The following LACTB2 variants were observed in gnomAD, a reference collection of about 807,000 sequenced individuals.
LACTB2 encodes the protein lactamase beta 2.
In LACTB2, 32 loss-of-function variants were observed where a neutral mutation model predicts 34.8. The observed-to-expected ratio is 0.92, with a 90% confidence interval of 0.69 to 1.24. LACTB2 has a LOEUF of 1.24. Among genes scored for constraint, LACTB2 ranks in the 50% most tolerant of loss-of-function variants. LACTB2 has a pLI of 0.00. For missense variants in LACTB2, 320 were observed against 345.0 expected (o/e 0.93, Z 0.57); for synonymous variants, 120 against 117.5 (o/e 1.02, Z -0.14).
In LACTB2 at chr8:70,644,135, A is replaced by C. The variant is rs1387929613; in HGVS notation, c.522T>G (p.Phe174Leu). 1 of 1,612,712 alleles carries C rather than the reference A, an allele frequency of 6.2e-7. No homozygotes were observed. Among genetic ancestry groups the C allele is most frequent in the Non-Finnish European group, 8.5e-7 (1 of 1,179,218 alleles). The change falls in exon 4 of 7, where the codon TTT becomes TTG. Residue 174 changes from phenylalanine (F) to leucine (L), a missense_variant. Physicochemically the swap from Phe to Leu is conservative, Grantham distance 22. Transcript: ENST00000276590. ...AGTTCATATAATCATAGAGGTCTTC[A>C]AATACCGTTGTTCCTTCCCCTAGGA... is the stretch of plus-strand genomic sequence containing the variant. Reference protein sequence around the residue: ...DCILGEGTTVFEDLYDYMNSL... With the variant: ...DCILGEGTTVLEDLYDYMNSL...
At chr8:70,646,551 A>T (rs1301023293) in intron 3 of LACTB2, 10 of 151,938 alleles carry the variant, frequency 6.6e-5, no homozygotes, top group Admixed American at 2.0e-4. Context: ...CGTTTTTTAT[A>T]AATTCTACCC....
In LACTB2 at chr8:70,650,506, C is replaced by T. The variant is rs56086453; in HGVS notation, c.414-6263G>A. ...CTGTAATCCCAGCACTTTGGGAGGCCGAGGCCTGAGGTCAGGAGTTCGAGA... is the reference window on the plus strand; with the variant it reads ...CTGTAATCCCAGCACTTTGGGAGGCTGAGGCCTGAGGTCAGGAGTTCGAGA... On this transcript the variant is annotated intron_variant, in intron 3 of 6. Transcript: ENST00000276590. 5.4e-3 allele frequency among the ~76,000 whole-genome samples: 823 copies of T among 152,014 alleles called. 11 individuals carry two copies. The highest frequency in any genetic ancestry group is 0.019 in the African/African-American group (788 of 41,522).
intron 3 of LACTB2, among the ~76,000 whole-genome samples, chr8:70,655,356 A>T (rs974554272): frequency 6.6e-6 from 1 of 151,652 alleles, no homozygotes; most frequent in South Asian, 2.1e-4. Context: ...AGTAGCTGGG[A>T]TTACAGGCAT....
At chr8:70,648,622 A>G (rs1818296614) in intron 3 of LACTB2, among the ~76,000 whole-genome samples, 1 of 152,182 alleles carries the variant, frequency 6.6e-6, no homozygotes, top group Non-Finnish European at 1.5e-5. Context: ...ACAAAATAAT[A>G]GGAATTTTAG....
At chr8:70,640,088 G>A (rs1818176990) in intron 5 of LACTB2, among the ~76,000 whole-genome samples, 1 of 152,140 alleles carries the variant, frequency 6.6e-6, no homozygotes, top group Non-Finnish European at 1.5e-5. Context: ...AACCACCCGA[G>A]CAGCTGGGAT....
At position 70,661,780 on chromosome 8, in the gene LACTB2, T is replaced by C; in HGVS notation, c.240A>G (p.Arg80=). 6.2e-7 allele frequency: 1 copy of C among 1,613,792 alleles called. No homozygotes were observed. ...IQEIVVTHWH[R]DHSGGIGDIC... The stretch of plus-strand genomic sequence containing the variant: ...TATCTCCTATGCCTCCAGAATGATC[T>C]CGGTGCCAGTGAGTCACTACAATTT... Residue 80 remains arginine (R), a synonymous_variant, in exon 2 of 7, where the codon CGA becomes CGG. Transcript: ENST00000276590.
At chr8:70,638,752 T>G (rs1818156175) in intron 5 of LACTB2, 123 bp from the exon 6 acceptor site, 1 of 882,698 alleles carries the variant, frequency 1.1e-6, no homozygotes, top group Non-Finnish European at 1.5e-6. Context: ...ACATTTTTTT[T>G]TTTTTTTGAG....
At chr8:70,655,977 G>T (rs146758971) in intron 3 of LACTB2, among the ~76,000 whole-genome samples, 1,762 of 152,188 alleles carry the variant, frequency 0.012, 32 homozygotes, top group African/African-American at 0.038. Flanking sequence ...TTTCATGTTT[G>T]TTGGCCATTT....
At chr8:70,657,940 A>C in intron 2 of LACTB2, 58 bp from the exon 3 acceptor site, 1 of 1,184,656 alleles carries the variant, frequency 8.4e-7, no homozygotes, top group Non-Finnish European at 1.2e-6. Flanking sequence ...GCCTTTTAAG[A>C]GATCAACTTT....
chr8:70,642,504 C>CTTTT (rs35951740), intron 4 of LACTB2, among the ~76,000 whole-genome samples: 10 of 130,334 alleles, frequency 7.7e-5, no homozygotes, highest in African/African-American at 1.8e-4. Flanking sequence ...TCTTTCTTAG[C>CTTTT]TTTTTTTTTT....
chr8:70,657,312 C>A (rs1818422274), intron 3 of LACTB2, among the ~76,000 whole-genome samples: 1 of 151,844 alleles, frequency 6.6e-6, no homozygotes, highest in African/African-American at 2.4e-5. Flanking sequence ...TCTTTCTTTT[C>A]TCATTTCTCA....
At chr8:70,660,678 C>T (rs1179493194) in intron 2 of LACTB2, 2 of 456,296 alleles carry the variant, frequency 4.4e-6, no homozygotes, top group South Asian at 1.5e-5. Context: ...TGCTCCTTCT[C>T]TCTGTCCACT....
chr8:70,640,021 T>C (rs1818175865), intron 5 of LACTB2, among the ~76,000 whole-genome samples: 1 of 152,224 alleles, frequency 6.6e-6, no homozygotes, highest in East Asian at 1.9e-4. Context: ...TGTGCAACGG[T>C]GCGATGTAGG....
intron 3 of LACTB2, among the ~76,000 whole-genome samples, chr8:70,648,755 A>G (rs1170648643): frequency 6.6e-6 from 1 of 152,168 alleles, no homozygotes; most frequent in African/African-American, 2.4e-5. Flanking sequence ...CGCTTTGACT[A>G]AAACTATAGT....
chr8:70,643,315 C>T (rs1818223688), intron 4 of LACTB2, among the ~76,000 whole-genome samples: 1 of 138,984 alleles, frequency 7.2e-6, no homozygotes, highest in South Asian at 2.5e-4. Flanking sequence ...CTCCACCTCT[C>T]AGGTTCAAGC....
chr8:70,654,046 G>A (rs1818378174), intron 3 of LACTB2: 1 of 152,144 alleles, frequency 6.6e-6, no homozygotes, highest in Admixed American at 6.5e-5. Flanking sequence ...GTGAACTTAA[G>A]GAGCTGACTG....
chr8:70,644,288 A>G, intron 3 of LACTB2, 45 bp from the exon 4 acceptor site: 1 of 1,314,806 alleles, frequency 7.6e-7, no homozygotes, highest in Non-Finnish European at 1.0e-6. Flanking sequence ...TATGAACTCG[A>G]GCTTAGAAGA....
At chr8:70,657,978 C>T (rs1818433847) in intron 2 of LACTB2, 96 bp from the exon 3 acceptor site, 1 of 705,096 alleles carries the variant, frequency 1.4e-6, no homozygotes, top group Non-Finnish European at 2.2e-6. Flanking sequence ...TGAATGACTG[C>T]ATAAAATATT....
intron 3 of LACTB2, among the ~76,000 whole-genome samples, chr8:70,644,949 A>G (rs996170548): frequency 1.3e-5 from 2 of 152,108 alleles, no homozygotes; most frequent in African/African-American, 4.8e-5. Flanking sequence ...ATGCATATTT[A>G]TATATTTTAA....
Sources: allele counts gnomAD v4.1 joint callset (sites outside exome capture counted in the v4.1 genomes callset), GRCh38; gene constraint gnomAD v4.1.1; transcripts MANE v1.5; gene names NCBI Gene and HGNC (gene_info 2026-07-23, HGNC 2026-07-21).